The following EXOC4 variants were observed in gnomAD, a reference collection of about 807,000 sequenced individuals.
EXOC4 encodes the protein exocyst complex component 4.
EXOC4 carries 71 observed loss-of-function variants against 107.2 expected under a neutral mutation model. The observed-to-expected ratio is 0.66, with a 90% CI of 0.55 to 0.81. The LOEUF is 0.81. Among genes scored for constraint, EXOC4 ranks in the 30% least tolerant of loss-of-function variants. The pLI, the probability that EXOC4 is intolerant of heterozygous loss-of-function variation, is 0.00. For synonymous variants in EXOC4, 456 were observed against 441.2 expected (o/e 1.03, Z -0.42); for missense variants, 1,108 against 1,189.6 (o/e 0.93, Z 1.01).
the EXOC4 span, among the ~76,000 whole-genome samples, chr7:134,093,029 G>T: frequency 6.6e-6 from 1 of 150,678 alleles, no homozygotes; most frequent in East Asian, 2.0e-4. Context: ...AAACACAATA[G>T]AAATTACAAA....
At chr7:133,506,565 C>G (rs1022238491) in intron 9 of EXOC4, among the ~76,000 whole-genome samples, 1 of 152,058 alleles carries the variant, frequency 6.6e-6, no homozygotes, top group Non-Finnish European at 1.5e-5. Context: ...TTATGAACAT[C>G]TGTGATACTC....
intron 10 of EXOC4, among the ~76,000 whole-genome samples, chr7:133,671,584 A>G (rs966794339): frequency 6.6e-6 from 1 of 152,068 alleles, no homozygotes; most frequent in Non-Finnish European, 1.5e-5. Context: ...TAAATAAGTA[A>G]ATAAATAGGA....
chr7:133,427,334 C>G (rs1797749587), intron 7 of EXOC4, among the ~76,000 whole-genome samples: 1 of 152,134 alleles, frequency 6.6e-6, no homozygotes, highest in Non-Finnish European at 1.5e-5. Flanking sequence ...TGTCTGTATG[C>G]TAAGGCTCAG....
intron 10 of EXOC4, among the ~76,000 whole-genome samples, chr7:133,741,449 G>A (rs904023432): frequency 1.3e-5 from 2 of 151,938 alleles, no homozygotes; most frequent in African/African-American, 2.4e-5. Context: ...ATAACACCTC[G>A]CTCCTGTCAT....
chr7:133,785,277 GATGCC>G (rs1330132203), intron 10 of EXOC4, among the ~76,000 whole-genome samples: 3 of 105,086 alleles, frequency 2.9e-5, no homozygotes, highest in African/African-American at 7.3e-5. Context: ...TGCCAGTTGT[GATGCC>G]CCCTTTTAAA....
chr7:133,280,258 A>G (rs1394988752), intron 2 of EXOC4, among the ~76,000 whole-genome samples: 1 of 152,216 alleles, frequency 6.6e-6, no homozygotes, highest in Non-Finnish European at 1.5e-5. Flanking sequence ...TTACTTTTGA[A>G]TGCATTGTAC....
At chr7:133,765,920 T>C (rs1242999745) in intron 10 of EXOC4, among the ~76,000 whole-genome samples, 18 of 152,032 alleles carry the variant, frequency 1.2e-4, no homozygotes. Flanking sequence ...TAGGAGCTCA[T>C]GTAAAATCAG....
chr7:134,051,531 G>T (rs1167198690), intron 17 of EXOC4, among the ~76,000 whole-genome samples: 1 of 152,090 alleles, frequency 6.6e-6, no homozygotes, highest in Admixed American at 6.5e-5. Context: ...AATTAGCTGG[G>T]TGTGGTGGCA....
At chr7:133,370,723 T>G (rs1796356277) in intron 6 of EXOC4, among the ~76,000 whole-genome samples, 1 of 152,220 alleles carries the variant, frequency 6.6e-6, no homozygotes, top group Non-Finnish European at 1.5e-5. Context: ...AGATTTATTT[T>G]CCTTTCACAC....
chr7:133,766,265 G>T (rs1796137192), intron 10 of EXOC4, among the ~76,000 whole-genome samples: 1 of 151,952 alleles, frequency 6.6e-6, no homozygotes, highest in South Asian at 2.1e-4. Context: ...CAATTACTTT[G>T]TCATGCATCT....
intron 7 of EXOC4, among the ~76,000 whole-genome samples, chr7:133,429,326 CAT>C (rs373643592): frequency 7.2e-4 from 110 of 152,258 alleles, no homozygotes; most frequent in African/African-American, 2.5e-3. Flanking sequence ...ACTAGCAAAT[CAT>C]CTGCTTTCTG....
intron 14 of EXOC4, among the ~76,000 whole-genome samples, chr7:133,954,087 A>G (rs988462866): frequency 7.9e-5 from 12 of 152,246 alleles, no homozygotes; most frequent in African/African-American, 2.9e-4. Flanking sequence ...TACATTTTCT[A>G]GTTTTTACTA....
intron 7 of EXOC4, among the ~76,000 whole-genome samples, chr7:133,400,548 C>G (rs957521652): frequency 6.6e-6 from 1 of 152,064 alleles, no homozygotes; most frequent in Non-Finnish European, 1.5e-5. Context: ...ATTCTTTTTG[C>G]TTTTCTTTTT....
At chr7:133,968,663 T>C (rs1299424739) in intron 14 of EXOC4, among the ~76,000 whole-genome samples, 2 of 152,184 alleles carry the variant, frequency 1.3e-5, no homozygotes, top group Non-Finnish European at 2.9e-5. Flanking sequence ...ATGTTGAATA[T>C]TGGCCCCCAC....
chr7:133,810,177 A>G (rs1445805839), intron 10 of EXOC4, among the ~76,000 whole-genome samples: 1 of 152,206 alleles, frequency 6.6e-6, no homozygotes, highest in African/African-American at 2.4e-5. Context: ...CACTGCTGTC[A>G]TTGCAGCTTC....
chr7:133,488,471 C>A (rs1242446583), intron 9 of EXOC4, among the ~76,000 whole-genome samples: 1 of 151,868 alleles, frequency 6.6e-6, no homozygotes, highest in East Asian at 1.9e-4. Context: ...ATTTAAAACA[C>A]TAAAGACTCA....
chr7:134,062,595 C>T (rs1365160466), intron 17 of EXOC4, among the ~76,000 whole-genome samples: 1 of 152,192 alleles, frequency 6.6e-6, no homozygotes, highest in Non-Finnish European at 1.5e-5. Context: ...GGTTCTGTCC[C>T]CTCGATCTTG....
At chr7:133,743,085 T>C (rs2111523) in intron 10 of EXOC4, among the ~76,000 whole-genome samples, 150,158 of 152,242 alleles carry the variant, frequency 0.99, 74,099 homozygotes, top group Middle Eastern at 1. Flanking sequence ...CTCATAATTA[T>C]ATTTTACTTC....
intron 6 of EXOC4, among the ~76,000 whole-genome samples, chr7:133,358,926 T>C (rs564249931): frequency 2.0e-5 from 3 of 152,324 alleles, no homozygotes; most frequent in East Asian, 3.9e-4. Context: ...AGGATTTTTT[T>C]CCCTGTTAAG....
Sources: allele counts gnomAD v4.1 joint callset (sites outside exome capture counted in the v4.1 genomes callset), GRCh38; gene constraint gnomAD v4.1.1; transcripts MANE v1.5; gene names NCBI Gene and HGNC (gene_info 2026-07-23, HGNC 2026-07-21).